Variants in CSMD2 observed in about 807,000 individuals in gnomAD.
The protein encoded by CSMD2 is CUB and Sushi multiple domains 2.
A neutral mutation model predicts 398.5 loss-of-function variants in CSMD2; 130 were observed. That is an observed-to-expected ratio of 0.33 (90% CI 0.28 to 0.38). The LOEUF is 0.38. CSMD2 is among the 10% of genes least tolerant of loss of function. The probability of loss-of-function intolerance (pLI) is 1.00; values close to 1 mark genes in which losing one functional copy is unlikely to be tolerated. For synonymous variants in CSMD2, 1,828 were observed against 1,908.5 expected (o/e 0.96, Z 1.10); for missense variants, 3,829 against 4,764.9 (o/e 0.80, Z 5.78).
At chr1:33,717,060 T>C (rs1485125417) in intron 19 of CSMD2, among the ~76,000 whole-genome samples, 3 of 151,986 alleles carry the variant, frequency 2.0e-5, no homozygotes, top group Non-Finnish European at 4.4e-5. Flanking sequence ...CTTAAAAGGA[T>C]GCACAGGAAT....
chr1:33,690,080 C>A (rs1340222494), intron 25 of CSMD2, among the ~76,000 whole-genome samples: 3 of 152,142 alleles, frequency 2.0e-5, no homozygotes, highest in Non-Finnish European at 2.9e-5. Context: ...CCCAGCCCGT[C>A]CCACTCCGCC....
intron 55 of CSMD2, among the ~76,000 whole-genome samples, chr1:33,555,123 G>A (rs528055042): frequency 2.6e-5 from 4 of 152,256 alleles, no homozygotes; most frequent in African/African-American, 9.6e-5. Context: ...CATGGGAGGA[G>A]GTCCAAATAT....
chr1:33,601,709 T>C (rs189431120), intron 43 of CSMD2, among the ~76,000 whole-genome samples: 1 of 152,370 alleles, frequency 6.6e-6, no homozygotes, highest in East Asian at 1.9e-4. Context: ...AATGCTAATT[T>C]GTATTCCCAA....
At chr1:34,051,485 A>G (rs1374503699) in intron 2 of CSMD2, among the ~76,000 whole-genome samples, 2 of 152,198 alleles carry the variant, frequency 1.3e-5, no homozygotes, top group East Asian at 3.8e-4. Flanking sequence ...GTAAATATAA[A>G]TATATAAATA....
chr1:33,917,168 C>A (rs1464618310), intron 5 of CSMD2, among the ~76,000 whole-genome samples: 1 of 152,166 alleles, frequency 6.6e-6, no homozygotes, highest in Non-Finnish European at 1.5e-5. Flanking sequence ...CACTGCGGCA[C>A]CCCCTGGTAG....
At chr1:33,770,500 A>G (rs894892672) in intron 13 of CSMD2, among the ~76,000 whole-genome samples, 5 of 152,184 alleles carry the variant, frequency 3.3e-5, no homozygotes, top group Non-Finnish European at 7.3e-5. Flanking sequence ...TGCAAGGGTG[A>G]CCTGGCTATA....
intron 4 of CSMD2, among the ~76,000 whole-genome samples, chr1:33,918,613 C>G (rs755581590): frequency 3.3e-5 from 5 of 152,090 alleles, no homozygotes; most frequent in Non-Finnish European, 4.4e-5. Flanking sequence ...CAAGGCATGT[C>G]TAAGATAAAC....
At chr1:34,125,288 A>G (rs1662618953) in intron 1 of CSMD2, among the ~76,000 whole-genome samples, 1 of 152,214 alleles carries the variant, frequency 6.6e-6, no homozygotes, top group Non-Finnish European at 1.5e-5. Context: ...GCAGGTAGAG[A>G]GGGAAGGACA....
At chr1:34,088,076 C>T (rs781532185) in intron 2 of CSMD2, among the ~76,000 whole-genome samples, 8 of 152,180 alleles carry the variant, frequency 5.3e-5, no homozygotes, top group Non-Finnish European at 1.2e-4. Context: ...GTGTGTGTGA[C>T]CCTGCTGCAG....
rs147629896 is a variant in CSMD2, at chr1:33,662,847, G to T, written c.4255+43C>A. The T allele has an allele frequency of 1.1e-4, 178 of 1,574,264 alleles. No individual in the cohort carries two copies. In the East Asian group the frequency reaches 3.7e-3, roughly 33 times the overall value. ...GGCCAGAGGAAGGTGGGTGCCATGTGTCAGGACATGTGGAGTGGGGCTGGC... is the reference window on the plus strand; with the variant it reads ...GGCCAGAGGAAGGTGGGTGCCATGTTTCAGGACATGTGGAGTGGGGCTGGC... On this transcript the variant is annotated intron_variant, in intron 26 of 70. Coordinates refer to ENST00000373381, the MANE Select transcript of CSMD2 (RefSeq NM_001281956.2).
At chr1:33,757,703 A>T (rs557216985) in intron 13 of CSMD2, among the ~76,000 whole-genome samples, 5 of 152,102 alleles carry the variant, frequency 3.3e-5, no homozygotes, top group African/African-American at 1.2e-4. Context: ...CTCTTTATCT[A>T]TTTTCCTAAG....
rs540913209 is a variant in CSMD2 at position 33,775,370 on chromosome 1, A to T, written c.1664-2619T>A. On this transcript the variant is annotated intron_variant, in intron 12 of 70. Coordinates refer to ENST00000373381, the MANE Select transcript of CSMD2 (RefSeq NM_001281956.2). ...ATATTTTGCACTAATATTAATTTTT[A>T]AAAAAAATTTGCATTAAGTGTTATT... 2.2e-3 allele frequency among the ~76,000 whole-genome samples: 336 copies of T among 152,260 alleles called. 1 individual carries two copies. Among genetic ancestry groups the T allele is most frequent in the Middle Eastern group, 3.4e-3 (1 of 294 alleles).
intron 24 of CSMD2, among the ~76,000 whole-genome samples, chr1:33,697,452 TGTCCACTTGCAGAGG>T (rs918762238): frequency 4.6e-5 from 7 of 152,218 alleles, no homozygotes; most frequent in Non-Finnish European, 7.3e-5. Context: ...TGTTTCGGTC[TGTCCACTTGCAGAGG>T]GTCCACTTAG....
chr1:33,642,680 A>C (rs1643181741), intron 29 of CSMD2, among the ~76,000 whole-genome samples: 1 of 152,196 alleles, frequency 6.6e-6, no homozygotes, highest in African/African-American at 2.4e-5. Context: ...TAAAATATAG[A>C]AACCTTTTAG....
chr1:33,913,698 C>A (rs1643580008), intron 5 of CSMD2, among the ~76,000 whole-genome samples: 1 of 152,092 alleles, frequency 6.6e-6, no homozygotes, highest in Non-Finnish European at 1.5e-5. Context: ...CCAAGCCTAC[C>A]CCCTTCCCAG....
At chr1:33,522,476 C>T (rs557574157) in intron 67 of CSMD2, among the ~76,000 whole-genome samples, 3 of 152,310 alleles carry the variant, frequency 2.0e-5, no homozygotes, top group Non-Finnish European at 4.4e-5. Context: ...ATGAAGGGGA[C>T]CTACAGATAC....
At chr1:33,711,951 T>G (rs1230849439) in intron 21 of CSMD2, among the ~76,000 whole-genome samples, 7 of 152,154 alleles carry the variant, frequency 4.6e-5, no homozygotes, top group East Asian at 1.9e-4. Context: ...ACGGGGCACT[T>G]GCTTCCGGGA....
intron 5 of CSMD2, among the ~76,000 whole-genome samples, chr1:33,904,562 A>G (rs1211029747): frequency 2.6e-5 from 4 of 152,110 alleles, no homozygotes; most frequent in Non-Finnish European, 5.9e-5. Flanking sequence ...CAAAAAAGGT[A>G]CTAGAGATAG....
chr1:33,984,865 AGGCAGGCAGGC>A (rs1558201744), intron 3 of CSMD2, among the ~76,000 whole-genome samples: 30 of 118,484 alleles, frequency 2.5e-4, no homozygotes, highest in African/African-American at 9.3e-4. Flanking sequence ...GAAGGAAGGC[AGGCAGGCAGGC>A]AGGCAGGCAG....
Sources: gnomAD v4.1 joint callset for allele counts (sites outside exome capture counted in the v4.1 genomes callset) on GRCh38, gnomAD v4.1.1 for gene constraint, MANE v1.5 for transcripts, NCBI Gene and HGNC (gene_info 2026-07-23, HGNC 2026-07-21) for gene names.